ZCCHC24: variants seen among roughly 807,000 people sequenced by gnomAD.
ZCCHC24 encodes the protein zinc finger CCHC-type containing 24.
A neutral mutation model predicts 26.2 loss-of-function variants in ZCCHC24; 10 were observed. That is an observed-to-expected ratio of 0.38 (90% confidence interval 0.24 to 0.65). The LOEUF is 0.65. ZCCHC24 is among the 30% of genes least tolerant of loss of function. The probability of loss-of-function intolerance (pLI) is 0.54; values close to 1 mark genes in which losing one functional copy is unlikely to be tolerated. For synonymous variants in ZCCHC24, 144 were observed against 147.1 expected (o/e 0.98, Z 0.15); for missense variants, 243 against 329.1 (o/e 0.74, Z 2.03).
At chr10:79,430,355 T>A (rs1009087947) in intron 2 of ZCCHC24, among the ~76,000 whole-genome samples, 1 of 151,704 alleles carries the variant, frequency 6.6e-6, no homozygotes, top group Non-Finnish European at 1.5e-5. Flanking sequence ...TCAGCTTGAG[T>A]GAGAAACTGA....
intron 2 of ZCCHC24, among the ~76,000 whole-genome samples, chr10:79,428,243 T>C (rs918854121): frequency 6.6e-6 from 1 of 152,242 alleles, no homozygotes; most frequent in African/African-American, 2.4e-5. Flanking sequence ...GAGGAAATTA[T>C]GCTAAGTGAA....
chr10:79,399,032 G>A (rs1332175187), intron 2 of ZCCHC24, among the ~76,000 whole-genome samples: 1 of 57,372 alleles, frequency 1.7e-5, no homozygotes, highest in Non-Finnish European at 3.9e-5. Context: ...TGTGTTGGTG[G>A]GGAGAGACCC....
chr10:79,384,902 A>T lies in ZCCHC24; in HGVS notation c.*1443T>A, dbSNP rs1227764828. 6.6e-6 allele frequency: 1 copy of T among 152,338 alleles called. No individual in the cohort carries two copies. Among genetic ancestry groups the T allele is most frequent in the Non-Finnish European group, 1.5e-5 (1 of 68,018 alleles). 9.4% of individuals were successfully genotyped at this position (152,338 alleles called of 1,614,324 possible). A position where few individuals can be genotyped will look rare whatever the true frequency, so the allele number is the denominator to read the frequency against. On this transcript the variant is annotated 3_prime_UTR_variant, in exon 4 of 4. Coordinates refer to ENST00000372336, the MANE Select transcript of ZCCHC24 (RefSeq NM_153367.4). ...CAGCCGGGAGAAAGGAAGGGTCAAGACCATGGAAACGGGGCTTCTCATCCG... is the reference window on the plus strand; with the variant it reads ...CAGCCGGGAGAAAGGAAGGGTCAAGTCCATGGAAACGGGGCTTCTCATCCG...
chr10:79,406,284 G>A (rs1387695592), intron 2 of ZCCHC24, among the ~76,000 whole-genome samples: 1 of 152,176 alleles, frequency 6.6e-6, no homozygotes, highest in Non-Finnish European at 1.5e-5. Flanking sequence ...CTTGCTGAGC[G>A]AGATATCGGA....
intron 2 of ZCCHC24, among the ~76,000 whole-genome samples, chr10:79,408,361 T>C (rs927524025): frequency 4.6e-5 from 7 of 152,198 alleles, no homozygotes; most frequent in African/African-American, 1.4e-4. Flanking sequence ...TACTGGCATG[T>C]ATCTGACCAG....
intron 2 of ZCCHC24, among the ~76,000 whole-genome samples, chr10:79,412,590 C>G (rs900132349): frequency 1.3e-5 from 2 of 152,250 alleles, no homozygotes; most frequent in African/African-American, 4.8e-5. Context: ...CCACTAGCAT[C>G]TCTTCTAGAA....
At position 79,383,886 on chromosome 10, in the gene ZCCHC24, T is replaced by A. The variant is rs1433709917; in HGVS notation, c.*2459A>T. ...AATACTTCATATGGGGTAAACACCA[T>A]TATCTCCCAACTAGATCGCTAGATC... is the stretch of plus-strand genomic sequence containing the variant. On this transcript the variant is annotated 3_prime_UTR_variant, in exon 4 of 4. Transcript: ENST00000372336. 1 of 152,724 alleles carries A rather than the reference T, an allele frequency of 6.5e-6. No individual in the cohort carries two copies. The highest frequency in any genetic ancestry group is 1.5e-5 in the Non-Finnish European group (1 of 68,034). The allele number at this position is 152,724 out of a possible 1,614,324, so 9.5% of individuals were successfully genotyped here.
chr10:79,405,860 A>C (rs1688506530), intron 2 of ZCCHC24, among the ~76,000 whole-genome samples: 1 of 152,246 alleles, frequency 6.6e-6, no homozygotes, highest in East Asian at 1.9e-4. Context: ...TGAAGTCAGC[A>C]GTTTGGGGCC....
At chr10:79,425,591 T>C (rs1857015907) in intron 2 of ZCCHC24, among the ~76,000 whole-genome samples, 1 of 152,218 alleles carries the variant, frequency 6.6e-6, no homozygotes, top group Non-Finnish European at 1.5e-5. Context: ...TGAGTTCCAA[T>C]TCCAGCTTTG....
chr10:79,423,478 G>A, intron 2 of ZCCHC24, among the ~76,000 whole-genome samples: 1 of 149,422 alleles, frequency 6.7e-6, no homozygotes, highest in East Asian at 2.0e-4. Flanking sequence ...TTGAACCTGG[G>A]AGGTAGAGCT....
chr10:79,427,274 A>G (rs972313991), intron 2 of ZCCHC24, among the ~76,000 whole-genome samples: 1 of 152,190 alleles, frequency 6.6e-6, no homozygotes, highest in Non-Finnish European at 1.5e-5. Flanking sequence ...TAAAATAATA[A>G]TAAAAGAACT....
chr10:79,402,386 C>T (rs1336272189), intron 2 of ZCCHC24, among the ~76,000 whole-genome samples: 1 of 152,224 alleles, frequency 6.6e-6, no homozygotes, highest in African/African-American at 2.4e-5. Flanking sequence ...TGCCATTCTC[C>T]TGCCTTGGCC....
At chr10:79,425,923 C>T (rs758023894) in intron 2 of ZCCHC24, among the ~76,000 whole-genome samples, 18 of 152,174 alleles carry the variant, frequency 1.2e-4, no homozygotes, top group Non-Finnish European at 1.3e-4. Context: ...TGACATTGGC[C>T]GGACCATGGC....
chr10:79,442,948 A>C (rs528540863), intron 1 of ZCCHC24, among the ~76,000 whole-genome samples: 1 of 152,214 alleles, frequency 6.6e-6, no homozygotes, highest in African/African-American at 2.4e-5. Context: ...ACAGCCCTCC[A>C]TCACCTCCGA....
chr10:79,423,550 C>T (rs1324315008), intron 2 of ZCCHC24, among the ~76,000 whole-genome samples: 29 of 56,362 alleles, frequency 5.1e-4, no homozygotes, highest in African/African-American at 1.8e-3. Flanking sequence ...GACTCCATCT[C>T]AAAAAAACAA....
intron 2 of ZCCHC24, among the ~76,000 whole-genome samples, chr10:79,395,268 G>A (rs1212625900): frequency 1.3e-5 from 2 of 152,002 alleles, no homozygotes; most frequent in Admixed American, 1.3e-4. Context: ...ACTACAAATA[G>A]AGCTACTGCA....
At chr10:79,389,693 G>A (rs1011945384) in intron 3 of ZCCHC24, among the ~76,000 whole-genome samples, 1 of 150,836 alleles carries the variant, frequency 6.6e-6, no homozygotes, top group African/African-American at 2.4e-5. Context: ...TCGGCTCACA[G>A]CAACCTCTGT....
At chr10:79,442,722 C>A (rs1239518338) in intron 1 of ZCCHC24, among the ~76,000 whole-genome samples, 1 of 152,224 alleles carries the variant, frequency 6.6e-6, no homozygotes, top group East Asian at 1.9e-4. Context: ...CTCCGACCAG[C>A]CCCTTGGTGG....
At chr10:79,387,604 G>A (rs1218822998) in intron 3 of ZCCHC24, among the ~76,000 whole-genome samples, 4 of 147,934 alleles carry the variant, frequency 2.7e-5, no homozygotes, top group Non-Finnish European at 6.0e-5. Flanking sequence ...GCTGGTCAGG[G>A]CCAGCCTGGG....
Sources: gnomAD v4.1 joint callset for allele counts (sites outside exome capture counted in the v4.1 genomes callset) on GRCh38, gnomAD v4.1.1 for gene constraint, MANE v1.5 for transcripts, NCBI Gene and HGNC (gene_info 2026-07-23, HGNC 2026-07-21) for gene names.